Variants in SLC25A26 observed in about 807,000 individuals in gnomAD.
SLC25A26 encodes mitochondrial S-adenosylmethionine carrier protein.
In SLC25A26, 36 loss-of-function variants were observed where a neutral mutation model predicts 37.8. The ratio of observed to expected loss-of-function variants is 0.95; its 90% CI spans 0.73 to 1.26. The LOEUF (loss-of-function observed/expected upper bound fraction) is 1.26. Among genes scored for constraint, SLC25A26 ranks in the 50% most tolerant of loss-of-function variants. The pLI is 0.00. For missense variants in SLC25A26, 390 were observed against 331.1 expected, an observed-to-expected ratio of 1.18 and a Z score of -1.38; for synonymous variants, 129 against 122.5, an observed-to-expected ratio of 1.05 and a Z score of -0.35.
intron 5 of SLC25A26, among the ~76,000 whole-genome samples, chr3:66,342,387 A>G (rs1308574281): frequency 6.6e-6 from 1 of 152,166 alleles, no homozygotes; most frequent in Non-Finnish European, 1.5e-5. Context: ...TGCAGCTTAC[A>G]GTCAAGTCTT....
At chr3:66,264,143 G>A (rs1404875097) in intron 5 of SLC25A26, among the ~76,000 whole-genome samples, 2 of 151,954 alleles carry the variant, frequency 1.3e-5, no homozygotes, top group South Asian at 4.2e-4. Context: ...CAAGTGGTGG[G>A]CACCTGTAAT....
chr3:66,274,896 A>G (rs533482892), intron 5 of SLC25A26, among the ~76,000 whole-genome samples: 22 of 152,100 alleles, frequency 1.4e-4, no homozygotes, highest in South Asian at 6.2e-4. Context: ...CCATCCCATT[A>G]CTAGGTATAT....
At chr3:66,257,379 G>C (rs1384024531) in intron 3 of SLC25A26, among the ~76,000 whole-genome samples, 1 of 151,998 alleles carries the variant, frequency 6.6e-6, no homozygotes, top group African/African-American at 2.4e-5. Context: ...AAAAGACTCT[G>C]GAAGGCCAGG....
chr3:66,309,315 A>G (rs1470301142), intron 5 of SLC25A26, among the ~76,000 whole-genome samples: 2 of 152,152 alleles, frequency 1.3e-5, no homozygotes, highest in African/African-American at 2.4e-5. Context: ...TGTTTATAGT[A>G]TTCTCTGATG....
intron 5 of SLC25A26, among the ~76,000 whole-genome samples, chr3:66,332,568 ACTTGGATTTTCTTTTTTTATTTTT>A: frequency 6.6e-6 from 1 of 152,182 alleles, no homozygotes; most frequent in Admixed American, 6.5e-5. Context: ...ATTTGGCAGC[ACTTGGATTTTCTTTTTTTATTTTT>A]GTTGAGATGA....
intron 1 of SLC25A26, among the ~76,000 whole-genome samples, chr3:66,182,940 C>T (rs149776198): frequency 0.16 from 24,968 of 152,012 alleles, 2,381 homozygotes; most frequent in African/African-American, 0.24. Context: ...TTCTTCAGGT[C>T]GGTCTTTCCA....
At chr3:66,371,480 G>T (rs973905318) in intron 9 of SLC25A26, 2 of 1,362,550 alleles carry the variant, frequency 1.5e-6, no homozygotes, top group Non-Finnish European at 1.9e-6. Context: ...TTTTCCAGTT[G>T]GAAGTTTGAA....
At position 66,236,576 on chromosome 3, in the gene SLC25A26, G is replaced by T; in HGVS notation, c.66G>T (p.Leu22Phe). The T allele has an allele frequency of 6.8e-7, 1 of 1,469,902 alleles. No individual in the cohort carries two copies. Among genetic ancestry groups the T allele is most frequent in the Non-Finnish European group, 9.1e-7 (1 of 1,104,150 alleles). The allele number at this position is 1,469,902 out of a possible 1,614,324, so 91.1% of individuals were successfully genotyped here. A position where few individuals can be genotyped will look rare whatever the true frequency, so the allele number is the denominator to read the frequency against. The change falls in exon 2 of 10, where the codon TTG (leucine) becomes TTT (phenylalanine). Residue 22 changes from leucine (L) to phenylalanine (F), a missense_variant. Coordinates refer to ENST00000354883, the MANE Select transcript of SLC25A26 (RefSeq NM_001379210.1). ...AGGVAGVSVDLILFPLDTIKT... is the reference protein window; with the variant it reads ...AGGVAGVSVDFILFPLDTIKT... ...GGGTAGCAGGTGTTTCTGTTGACTT[G>T]ATATTATTTCCTCTGGATACCATTA...
intron 1 of SLC25A26, among the ~76,000 whole-genome samples, chr3:66,206,265 T>C (rs2071175521): frequency 6.6e-6 from 1 of 152,162 alleles, no homozygotes; most frequent in African/African-American, 2.4e-5. Context: ...GCAGTGTATC[T>C]GCAACATCTA....
rs2072308136 is a variant in SLC25A26 at position 66,236,713 on chromosome 3, A to G, written c.190+13A>G. On this transcript the variant is annotated intron_variant, in intron 2 of 9. Coordinates refer to ENST00000354883, the MANE Select transcript of SLC25A26 (RefSeq NM_001379210.1). Reference sequence around the variant, plus strand: ...TCCTTTCCTAATGGTAAAAAATTATATTCTCACTTCTGTAAAGCCAAGATA... The same window carrying G: ...TCCTTTCCTAATGGTAAAAAATTATGTTCTCACTTCTGTAAAGCCAAGATA... The G allele has an allele frequency of 6.0e-6, 9 of 1,494,844 alleles. No individual in the cohort carries two copies. Among genetic ancestry groups the G allele is most frequent in the Non-Finnish European group, 8.1e-6 (9 of 1,116,184 alleles). 92.6% of individuals were successfully genotyped at this position (1,494,844 alleles called of 1,614,324 possible).
chr3:66,355,322 T>C (rs548628175), intron 6 of SLC25A26, among the ~76,000 whole-genome samples: 37 of 152,100 alleles, frequency 2.4e-4, no homozygotes, highest in African/African-American at 8.9e-4. Flanking sequence ...AGCCAACATA[T>C]ATTATTGCCC....
chr3:66,340,119 G>A (rs746113758), intron 5 of SLC25A26, among the ~76,000 whole-genome samples: 1 of 151,890 alleles, frequency 6.6e-6, no homozygotes, highest in African/African-American at 2.4e-5. Context: ...TTGTCCTTTC[G>A]CTGTTGAATG....
At chr3:66,322,793 T>G (rs181691498) in intron 5 of SLC25A26, among the ~76,000 whole-genome samples, 6 of 152,330 alleles carry the variant, frequency 3.9e-5, no homozygotes, top group Admixed American at 3.3e-4. Context: ...TTTTTCATTC[T>G]AGACTTCAAT....
At chr3:66,307,283 G>C (rs1181457779) in intron 5 of SLC25A26, among the ~76,000 whole-genome samples, 2 of 152,098 alleles carry the variant, frequency 1.3e-5, no homozygotes, top group Non-Finnish European at 2.9e-5. Context: ...TCATTTGTTT[G>C]TTGGCCGCAT....
At chr3:66,134,583 T>C (rs758652673) in intron 1 of SLC25A26, among the ~76,000 whole-genome samples, 1 of 152,218 alleles carries the variant, frequency 6.6e-6, no homozygotes, top group Non-Finnish European at 1.5e-5. Flanking sequence ...CCTTAATTGC[T>C]TAGAGAATGT....
chr3:66,349,607 A>G (rs780078698), intron 6 of SLC25A26, among the ~76,000 whole-genome samples: 1 of 152,080 alleles, frequency 6.6e-6, no homozygotes, highest in East Asian at 1.9e-4. Context: ...ACTAGTTTAT[A>G]TACATTGAGT....
intron 1 of SLC25A26, among the ~76,000 whole-genome samples, chr3:66,141,362 G>A (rs1311644612): frequency 2.6e-5 from 4 of 151,790 alleles, no homozygotes; most frequent in African/African-American, 7.3e-5. Context: ...AAGTAACTGC[G>A]ACTACAGCCA....
At chr3:66,172,283 C>T (rs1250888671) in intron 1 of SLC25A26, among the ~76,000 whole-genome samples, 1 of 151,762 alleles carries the variant, frequency 6.6e-6, no homozygotes, top group African/African-American at 2.4e-5. Context: ...TGGTGTCATG[C>T]ACCTGAAGTC....
intron 3 of SLC25A26, among the ~76,000 whole-genome samples, chr3:66,248,537 G>C (rs782249974): frequency 2.0e-5 from 3 of 152,120 alleles, no homozygotes; most frequent in Non-Finnish European, 4.4e-5. Context: ...TTGACGTGTT[G>C]TATCTTATCC....
Sources: allele counts gnomAD v4.1 joint callset (sites outside exome capture counted in the v4.1 genomes callset), GRCh38; gene constraint gnomAD v4.1.1; transcripts MANE v1.5; gene names NCBI Gene and HGNC (gene_info 2026-07-23, HGNC 2026-07-21).